Variants in RNFT2 observed in about 807,000 individuals in gnomAD.
RNFT2 encodes E3 ubiquitin-protein ligase RNFT2.
A neutral mutation model predicts 53.0 loss-of-function variants in RNFT2; 36 were observed. The ratio of observed to expected loss-of-function variants is 0.68; its 90% CI spans 0.52 to 0.90. The LOEUF is 0.90. Ranked by LOEUF, RNFT2 falls within the 40% of genes least tolerant of loss-of-function variation. RNFT2 has a pLI of 0.00. For missense variants in RNFT2, 514 were observed against 585.6 expected, an observed-to-expected ratio of 0.88 and a Z score of 1.26; for synonymous variants, 260 against 253.2, an observed-to-expected ratio of 1.03 and a Z score of -0.26.
intron 5 of RNFT2, among the ~76,000 whole-genome samples, chr12:116,760,631 C>T (rs1288034165): frequency 6.6e-6 from 1 of 152,164 alleles, no homozygotes; most frequent in Non-Finnish European, 1.5e-5. Flanking sequence ...GGTGAGTGTT[C>T]GGGAGAGGAG....
intron 5 of RNFT2, among the ~76,000 whole-genome samples, chr12:116,761,007 G>A (rs1872673880): frequency 1.3e-5 from 2 of 151,960 alleles, no homozygotes; most frequent in Non-Finnish European, 1.5e-5. Flanking sequence ...GCCTCCTAGG[G>A]AGGCCATTCT....
At chr12:116,815,642 G>A (rs961217196) in intron 7 of RNFT2, among the ~76,000 whole-genome samples, 5 of 152,110 alleles carry the variant, frequency 3.3e-5, no homozygotes, top group African/African-American at 1.2e-4. Context: ...GGTCACCTGG[G>A]ATAATCTCCC....
chr12:116,750,906 A>ATTTT (rs35386897), intron 4 of RNFT2, among the ~76,000 whole-genome samples: 1 of 62,768 alleles, frequency 1.6e-5, no homozygotes, highest in Non-Finnish European at 2.8e-5. Flanking sequence ...ATATATATAT[A>ATTTT]TATTTTTTTT....
chr12:116,749,523 TC>T (rs1291763117), intron 3 of RNFT2, among the ~76,000 whole-genome samples: 1 of 151,930 alleles, frequency 6.6e-6, no homozygotes, highest in Non-Finnish European at 1.5e-5. Context: ...CAAGTGATCT[TC>T]CCACCTCTGA....
At chr12:116,784,715 C>G (rs1293987668) in intron 7 of RNFT2, among the ~76,000 whole-genome samples, 2 of 152,164 alleles carry the variant, frequency 1.3e-5, no homozygotes, top group Non-Finnish European at 2.9e-5. Flanking sequence ...CTTGCTTCTT[C>G]CAGTCAGCAA....
chr12:116,773,649 C>T (rs1162182490), intron 6 of RNFT2, among the ~76,000 whole-genome samples: 3 of 152,126 alleles, frequency 2.0e-5, no homozygotes, highest in Admixed American at 6.6e-5. Context: ...AGAATAGTCA[C>T]AGGCTCAGCA....
chr12:116,790,334 A>G lies in RNFT2; in HGVS notation c.882+10986A>G, dbSNP rs138784956. Among the ~76,000 whole-genome samples, 327 of 152,278 alleles carry G rather than the reference A, an allele frequency of 2.1e-3. 2 individuals are homozygous for G. The highest frequency in any genetic ancestry group is 7.6e-3 in the African/African-American group (317 of 41,508). On this transcript the variant is annotated intron_variant, in intron 7 of 10. Coordinates refer to ENST00000257575, the MANE Select transcript of RNFT2 (RefSeq NM_001382266.1). ...CCCCACTCTGTTCTAAACTCTGAGG[A>G]TACATCAGTGAACCAGTAAATAGAA...
chr12:116,781,346 G>T (rs145174477), intron 7 of RNFT2, among the ~76,000 whole-genome samples: 2 of 152,298 alleles, frequency 1.3e-5, no homozygotes, highest in East Asian at 3.9e-4. Context: ...TTCAGCTGAT[G>T]GGAAGCCCAA....
chr12:116,812,836 G>A (rs1440682033), intron 7 of RNFT2, among the ~76,000 whole-genome samples: 1 of 151,788 alleles, frequency 6.6e-6, no homozygotes, highest in Non-Finnish European at 1.5e-5. Context: ...GCCTGGCTAG[G>A]GCTGTTCCTA....
chr12:116,769,070 T>C (rs979288715), intron 6 of RNFT2, among the ~76,000 whole-genome samples: 1 of 151,832 alleles, frequency 6.6e-6, no homozygotes, highest in Non-Finnish European at 1.5e-5. Context: ...TTGTAAAAAA[T>C]AAAAGTTGGC....
chr12:116,829,619 T>C (rs1876531661), intron 7 of RNFT2, among the ~76,000 whole-genome samples: 1 of 152,182 alleles, frequency 6.6e-6, no homozygotes, highest in Admixed American at 6.5e-5. Flanking sequence ...ATATAAAAGT[T>C]GGCTATAAAT....
intron 5 of RNFT2, chr12:116,755,923 T>C: frequency 1.8e-6 from 2 of 1,124,212 alleles, no homozygotes; most frequent in Admixed American, 1.7e-5. Context: ...GGAAAAGATA[T>C]GTCCTTATTT....
intron 7 of RNFT2, among the ~76,000 whole-genome samples, chr12:116,784,846 A>C (rs1454231631): frequency 1.3e-5 from 2 of 151,704 alleles, no homozygotes; most frequent in African/African-American, 2.4e-5. Context: ...CTGTGTGTCC[A>C]CTCCAACCCC....
Position 116,763,794 on chromosome 12 carries a change from C to CG in RNFT2, c.628-3012dup, listed in dbSNP as rs61394295. 1.6e-3 allele frequency among the ~76,000 whole-genome samples: 217 copies of CG among 135,812 alleles called. 1 individual carries two copies. The highest frequency in any genetic ancestry group is 3.8e-3 in the Middle Eastern group (1 of 260). 89.1% of individuals were successfully genotyped at this position (135,812 alleles called of 152,430 possible). A position where few individuals can be genotyped will look rare whatever the true frequency, so the allele number is the denominator to read the frequency against. On this transcript the variant is annotated intron_variant, in intron 5 of 10. Transcript: ENST00000257575. ...ACTCCATCTCAAAAAAAAAAGGGGG[C>CG]GGGGGGGGAAAGAACTAAAAGTAGA...
intron 5 of RNFT2, among the ~76,000 whole-genome samples, chr12:116,765,403 T>C (rs1215820980): frequency 1.3e-5 from 2 of 152,230 alleles, no homozygotes; most frequent in African/African-American, 2.4e-5. Flanking sequence ...TCTGGAAATG[T>C]GCATCATAAC....
chr12:116,853,540 T>C lies in RNFT2; in HGVS notation c.*4092T>C, dbSNP rs549378004. On this transcript the variant is annotated 3_prime_UTR_variant, in exon 11 of 11. Transcript: ENST00000257575. ...AAATAAAGTGGGTCCTGGAATCTTTTAGGACTTCTGCTGTAGGACAAACAG... is the reference window on the plus strand; with the variant it reads ...AAATAAAGTGGGTCCTGGAATCTTTCAGGACTTCTGCTGTAGGACAAACAG... The C allele has an allele frequency of 9.7e-5, 21 of 216,386 alleles. No individual in the cohort carries two copies. The highest frequency in any genetic ancestry group is 7.0e-4 in the Admixed American group (12 of 17,174). The allele number at this position is 216,386 out of a possible 1,614,324, so 13.4% of individuals were successfully genotyped here. A position where few individuals can be genotyped will look rare whatever the true frequency, so the allele number is the denominator to read the frequency against.
chr12:116,833,873 A>G lies in RNFT2; in HGVS notation c.964A>G (p.Met322Val). 1 of 1,613,262 alleles carries G rather than the reference A, an allele frequency of 6.2e-7. No homozygotes were observed. The highest frequency in any genetic ancestry group is 8.5e-7 in the Non-Finnish European group (1 of 1,179,628). ...CATCCAGCTGTGGTACAAATACATC[A>G]TGGGTGACGACTCCTCCAACAGCTA... ...VPIQLWYKYIMGDDSSNSYFL... is the reference protein window; with the variant it reads ...VPIQLWYKYIVGDDSSNSYFL... The change falls in exon 8 of 11, where the codon ATG (methionine) becomes GTG (valine). Residue 322 changes from methionine (M) to valine (V), a missense_variant. Met to Val is a conservative substitution (Grantham distance 21). Transcript: ENST00000257575.
In RNFT2 at chr12:116,747,517, A is replaced by G. The variant is rs147853224; in HGVS notation, c.84-2324A>G. ...ATTCCAGCCTGGGCAACAGAGTGAG[A>G]CCCCCGTCTCACTCTGTGGATAATG... is the stretch of plus-strand genomic sequence containing the variant. On this transcript the variant is annotated intron_variant, in intron 3 of 10. Coordinates refer to ENST00000257575, the MANE Select transcript of RNFT2 (RefSeq NM_001382266.1). Among the ~76,000 whole-genome samples, 1,421 of 151,682 alleles carry G rather than the reference A, an allele frequency of 9.4e-3. 13 individuals are homozygous for G. The highest frequency in any genetic ancestry group is 0.014 in the Non-Finnish European group (939 of 67,870).
In RNFT2 at chr12:116,742,037, A is replaced by G. The variant is rs939437005; in HGVS notation, c.83+943A>G. 5.3e-5 allele frequency among the ~76,000 whole-genome samples: 8 copies of G among 152,310 alleles called. No homozygotes were observed. The South Asian group carries it at 6.2e-4, about 12-fold the overall frequency. On this transcript the variant is annotated intron_variant, in intron 3 of 10. Transcript: ENST00000257575. ...ACGGAGAGGCTAATGACATTGAAAGATGAGATTTTTATTTCTTCCATTTCT... is the reference window on the plus strand; with the variant it reads ...ACGGAGAGGCTAATGACATTGAAAGGTGAGATTTTTATTTCTTCCATTTCT...
Sources: allele counts gnomAD v4.1 joint callset (sites outside exome capture counted in the v4.1 genomes callset), GRCh38; gene constraint gnomAD v4.1.1; transcripts MANE v1.5; gene names NCBI Gene and HGNC (gene_info 2026-07-23, HGNC 2026-07-21).